Variants in COL26A1 observed in about 807,000 individuals in gnomAD.
COL26A1 encodes collagen alpha-1(XXVI) chain.
In COL26A1, 41 loss-of-function variants were observed where a neutral mutation model predicts 59.3. That is an observed-to-expected ratio of 0.69 (90% confidence interval 0.54 to 0.90). The LOEUF is 0.90. COL26A1 is among the 40% of genes least tolerant of loss of function. COL26A1 has a pLI of 0.00. For synonymous variants in COL26A1, 266 were observed against 256.0 expected, an observed-to-expected ratio of 1.04 and a Z score of -0.37; for missense variants, 612 against 602.3, an observed-to-expected ratio of 1.02 and a Z score of -0.17.
chr7:101,464,467 C>G (rs1267536546), intron 3 of COL26A1, among the ~76,000 whole-genome samples: 1 of 151,346 alleles, frequency 6.6e-6, no homozygotes, highest in African/African-American at 2.4e-5. Context: ...GGCTGAGGTG[C>G]AATGGCGCGA....
intron 1 of COL26A1, among the ~76,000 whole-genome samples, chr7:101,375,041 CAG>C (rs1302587884): frequency 1.2e-4 from 18 of 149,774 alleles, no homozygotes; most frequent in Admixed American, 1.0e-3. Context: ...GCCTGGGTGA[CAG>C]AGTAAGACTC....
At chr7:101,376,003 A>AAG (rs1554402518) in intron 1 of COL26A1, among the ~76,000 whole-genome samples, 7 of 150,870 alleles carry the variant, frequency 4.6e-5, no homozygotes, top group African/African-American at 1.2e-4. Flanking sequence ...AAAAAAAAAA[A>AAG]AAAGAAAATT....
intron 1 of COL26A1, among the ~76,000 whole-genome samples, chr7:101,386,007 G>A (rs1269687637): frequency 1.3e-5 from 2 of 152,138 alleles, no homozygotes; most frequent in Admixed American, 1.3e-4. Context: ...CACCGCGCCC[G>A]GCCACAATTT....
At chr7:101,391,240 T>C (rs1791721396) in intron 1 of COL26A1, among the ~76,000 whole-genome samples, 1 of 152,142 alleles carries the variant, frequency 6.6e-6, no homozygotes, top group African/African-American at 2.4e-5. Context: ...TGACTGTGCG[T>C]GGGAGCATAT....
chr7:101,385,871 A>AT (rs1229700804), intron 1 of COL26A1, among the ~76,000 whole-genome samples: 5 of 150,920 alleles, frequency 3.3e-5, no homozygotes, highest in African/African-American at 1.2e-4. Context: ...CGCCCGGCTA[A>AT]TTTTTTGTAT....
chr7:101,375,495 A>G (rs1439624777), intron 1 of COL26A1, among the ~76,000 whole-genome samples: 1 of 151,970 alleles, frequency 6.6e-6, no homozygotes, highest in African/African-American at 2.4e-5. Flanking sequence ...CAGGAGTTCG[A>G]GACCAGCCCG....
chr7:101,460,052 A>G (rs1288030636), intron 3 of COL26A1, among the ~76,000 whole-genome samples: 1 of 152,170 alleles, frequency 6.6e-6, no homozygotes, highest in Non-Finnish European at 1.5e-5. Flanking sequence ...GTGACTCCCC[A>G]TGAATCTGAT....
Position 101,537,212 on chromosome 7 carries a change from C to T in COL26A1, c.448-2681C>T, listed in dbSNP as rs985769705. On this transcript the variant is annotated intron_variant, in intron 4 of 12. Transcript: ENST00000313669. The stretch of plus-strand genomic sequence containing the variant: ...AGAAGCTGGTCCAGGATTTCTGCCA[C>T]CCTCTATTCCTGGGACAGGCTGGCA... Among the ~76,000 whole-genome samples, 3 of 152,248 alleles carry T rather than the reference C, an allele frequency of 2.0e-5. No homozygotes were observed. The East Asian group carries it at 5.8e-4, about 29-fold the overall frequency.
At chr7:101,551,031 G>T (rs1795848539) in intron 9 of COL26A1, 77 bp from the exon 10 acceptor site, 32 of 1,440,958 alleles carry the variant, frequency 2.2e-5, no homozygotes, top group Non-Finnish European at 3.0e-5. Flanking sequence ...CAGTGGGCGG[G>T]GAGGGGGGTG....
At chr7:101,520,586 C>T (rs1795118909) in intron 3 of COL26A1, among the ~76,000 whole-genome samples, 1 of 150,624 alleles carries the variant, frequency 6.6e-6, no homozygotes, top group Non-Finnish European at 1.5e-5. Flanking sequence ...ACTCAGGAGG[C>T]AAAGGTGGGA....
At chr7:101,521,937 T>A (rs1795148495) in intron 3 of COL26A1, among the ~76,000 whole-genome samples, 1 of 152,140 alleles carries the variant, frequency 6.6e-6, no homozygotes, top group African/African-American at 2.4e-5. Flanking sequence ...GTCCACACTG[T>A]TGCATGTGGT....
chr7:101,411,467 G>T (rs1792239534), intron 1 of COL26A1, among the ~76,000 whole-genome samples: 1 of 152,106 alleles, frequency 6.6e-6, no homozygotes, highest in African/African-American at 2.4e-5. Flanking sequence ...ACCATGGGAG[G>T]GGCGTCAGGA....
At chr7:101,503,445 G>T (rs542239843) in intron 3 of COL26A1, among the ~76,000 whole-genome samples, 2 of 151,996 alleles carry the variant, frequency 1.3e-5, no homozygotes, top group African/African-American at 2.4e-5. Flanking sequence ...TCAGTGGTGC[G>T]ATCATCACTC....
chr7:101,557,169 G>T (rs542234060), intron 12 of COL26A1, among the ~76,000 whole-genome samples: 2 of 152,144 alleles, frequency 1.3e-5, no homozygotes, highest in African/African-American at 2.4e-5. Flanking sequence ...CAATGGACAG[G>T]TGGATGGGTG....
Position 101,451,707 on chromosome 7 carries a change from C to CTTTT in COL26A1, c.385+3934_385+3937dup, listed in dbSNP as rs60481013. Among the ~76,000 whole-genome samples, 9 of 139,156 alleles carry CTTTT rather than the reference C, an allele frequency of 6.5e-5. 1 individual carries two copies. The highest frequency in any genetic ancestry group is 7.9e-5 in the African/African-American group (3 of 38,138). 91.3% of individuals were successfully genotyped at this position (139,156 alleles called of 152,430 possible). On this transcript the variant is annotated intron_variant, in intron 3 of 12. Transcript: ENST00000313669. The stretch of plus-strand genomic sequence containing the variant: ...TCTACTGAAAAGAAATCATTTGCAT[C>CTTTT]TTTTTTTTTTTTTTTTTGACGGAGT...
chr7:101,406,840 C>T (rs550692798), intron 1 of COL26A1, among the ~76,000 whole-genome samples: 28 of 152,198 alleles, frequency 1.8e-4, no homozygotes, highest in African/African-American at 6.7e-4. Flanking sequence ...GTCCCAGCTA[C>T]TTGAGAGGCT....
chr7:101,367,492 C>G (rs1163351436), intron 1 of COL26A1, among the ~76,000 whole-genome samples: 1 of 151,660 alleles, frequency 6.6e-6, no homozygotes, highest in Admixed American at 6.6e-5. Context: ...TGGTGAAAAC[C>G]CGTGTCTACT....
intron 1 of COL26A1, among the ~76,000 whole-genome samples, chr7:101,387,005 G>A (rs11975111): frequency 0.019 from 2,951 of 152,210 alleles, 104 homozygotes; most frequent in African/African-American, 0.067. Flanking sequence ...GAGCAGAGCC[G>A]GGGTAGGGTT....
At chr7:101,365,174 C>T (rs1182818964) in intron 1 of COL26A1, among the ~76,000 whole-genome samples, 2 of 152,202 alleles carry the variant, frequency 1.3e-5, no homozygotes, top group African/African-American at 2.4e-5. Flanking sequence ...CAAACACCCA[C>T]GCTAGTGTGG....
Sources: allele counts gnomAD v4.1 joint callset (sites outside exome capture counted in the v4.1 genomes callset), GRCh38; gene constraint gnomAD v4.1.1; transcripts MANE v1.5; gene names NCBI Gene and HGNC (gene_info 2026-07-23, HGNC 2026-07-21).